SLC44A5: variants seen among roughly 807,000 people sequenced by gnomAD.
The protein encoded by SLC44A5 is solute carrier family 44 member 5, also known as choline transporter-like protein 5.
Under a neutral mutation model 101.8 loss-of-function variants are expected in SLC44A5, and 57 were observed. The ratio of observed to expected loss-of-function variants is 0.56; its 90% CI spans 0.45 to 0.70. The LOEUF is 0.70. Ranked by LOEUF, SLC44A5 falls within the 30% of genes least tolerant of loss-of-function variation. The pLI, the probability that SLC44A5 is intolerant of heterozygous loss-of-function variation, is 0.00. For missense variants in SLC44A5, 737 were observed against 853.1 expected (o/e 0.86, Z 1.70); for synonymous variants, 281 against 290.9 (o/e 0.97, Z 0.35).
chr1:75,242,743 C>T (rs1032605820), intron 8 of SLC44A5, 143 bp downstream of exon 8: 1 of 974,040 alleles, frequency 1.0e-6, no homozygotes, highest in Middle Eastern at 3.2e-4. Context: ...ACCCAGTACA[C>T]ATGCATTTCT....
chr1:75,418,101 T>C (rs1663773573), intron 2 of SLC44A5, among the ~76,000 whole-genome samples: 2 of 152,228 alleles, frequency 1.3e-5, no homozygotes, highest in Non-Finnish European at 2.9e-5. Context: ...ATTTAGATAT[T>C]TTCTTATAAT....
At chr1:75,280,762 C>T (rs1652474733) in intron 5 of SLC44A5, among the ~76,000 whole-genome samples, 1 of 151,720 alleles carries the variant, frequency 6.6e-6, no homozygotes, top group African/African-American at 2.4e-5. Context: ...CCCCCCTTCA[C>T]CATGCATTTC....
intron 1 of SLC44A5, among the ~76,000 whole-genome samples, chr1:75,575,191 C>T (rs1005554991): frequency 6.6e-5 from 10 of 152,196 alleles, no homozygotes; most frequent in African/African-American, 2.4e-4. Flanking sequence ...ACTTTCGATG[C>T]AGCCTAATAT....
chr1:75,469,041 G>T (rs1666968902), intron 2 of SLC44A5, among the ~76,000 whole-genome samples: 1 of 152,028 alleles, frequency 6.6e-6, no homozygotes, highest in South Asian at 2.1e-4. Flanking sequence ...TTTAGTAGCT[G>T]CATTAAAAAG....
rs189592973 is a variant in SLC44A5, at chr1:75,326,126, A to G, written c.101+13456T>C. On this transcript the variant is annotated intron_variant, in intron 4 of 23. Coordinates refer to ENST00000370859, the MANE Select transcript of SLC44A5 (RefSeq NM_001130058.2). The stretch of plus-strand genomic sequence containing the variant: ...TGTGTGTGTGTGTGTGTGTGTGTGT[A>G]TAATATTTTATATACATATAAAATA... Among the ~76,000 whole-genome samples, 940 of 146,566 alleles carry G rather than the reference A, an allele frequency of 6.4e-3. 6 individuals are homozygous for G. Among genetic ancestry groups the G allele is most frequent in the Non-Finnish European group, 7.6e-3 (506 of 66,436 alleles).
intron 1 of SLC44A5, among the ~76,000 whole-genome samples, chr1:75,605,778 G>A (rs576281444): frequency 1.3e-5 from 2 of 152,172 alleles, no homozygotes; most frequent in Admixed American, 1.3e-4. Flanking sequence ...TTTAAAAGCT[G>A]TGTCTCATCT....
chr1:75,306,700 A>T (rs1353847069), intron 4 of SLC44A5, among the ~76,000 whole-genome samples: 3 of 148,802 alleles, frequency 2.0e-5, no homozygotes, highest in Admixed American at 6.7e-5. Flanking sequence ...TTCTACTCTC[A>T]TCCAGAAACT....
intron 6 of SLC44A5, among the ~76,000 whole-genome samples, chr1:75,257,043 A>G (rs960839345): frequency 1.3e-5 from 2 of 152,182 alleles, no homozygotes; most frequent in African/African-American, 4.8e-5. Flanking sequence ...GAGAGAGAAG[A>G]GATTGTCCCA....
At chr1:75,303,765 T>C (rs1654691948) in intron 4 of SLC44A5, among the ~76,000 whole-genome samples, 1 of 152,124 alleles carries the variant, frequency 6.6e-6, no homozygotes, top group Non-Finnish European at 1.5e-5. Context: ...CTTAAGGTGT[T>C]TGGAGATTCT....
the SLC44A5 span, among the ~76,000 whole-genome samples, chr1:75,627,607 C>T: frequency 6.6e-6 from 1 of 151,916 alleles, no homozygotes; most frequent in Non-Finnish European, 1.5e-5. Flanking sequence ...TGCTTGAAAC[C>T]AGGAGTACGA....
At chr1:75,337,973 TG>T (rs1231143703) in intron 4 of SLC44A5, among the ~76,000 whole-genome samples, 1 of 152,216 alleles carries the variant, frequency 6.6e-6, no homozygotes, top group Non-Finnish European at 1.5e-5. Context: ...TGTGGAGAAT[TG>T]GGGGCTTCTT....
At chr1:75,691,230 A>G in the SLC44A5 span, among the ~76,000 whole-genome samples, 1 of 152,214 alleles carries the variant, frequency 6.6e-6, no homozygotes, top group Non-Finnish European at 1.5e-5. Flanking sequence ...GCCTGAGAGG[A>G]AAACTCAAAA....
the SLC44A5 span, among the ~76,000 whole-genome samples, chr1:75,721,532 C>T: frequency 1.3e-5 from 2 of 152,122 alleles, no homozygotes; most frequent in South Asian, 2.1e-4. Context: ...TGCTGGCTTA[C>T]ACCATCACCA....
At chr1:75,476,340 T>G (rs950533052) in intron 2 of SLC44A5, among the ~76,000 whole-genome samples, 1 of 152,126 alleles carries the variant, frequency 6.6e-6, no homozygotes, top group African/African-American at 2.4e-5. Context: ...GATGGGTGAT[T>G]TCTGCATTTC....
chr1:75,429,218 G>C (rs896559098), intron 2 of SLC44A5, among the ~76,000 whole-genome samples: 7 of 152,298 alleles, frequency 4.6e-5, no homozygotes, highest in African/African-American at 1.7e-4. Context: ...GAGAGATCAG[G>C]AAAATAGGAA....
At chr1:75,424,747 GT>G (rs986499066) in intron 2 of SLC44A5, among the ~76,000 whole-genome samples, 6 of 151,324 alleles carry the variant, frequency 4.0e-5, no homozygotes, top group South Asian at 2.1e-4. Flanking sequence ...AATGTCAAGA[GT>G]TTTTTTTTCA....
At chr1:75,718,381 T>C in the SLC44A5 span, among the ~76,000 whole-genome samples, 1 of 152,300 alleles carries the variant, frequency 6.6e-6, no homozygotes, top group East Asian at 1.9e-4. Context: ...CAAAGGCCTG[T>C]GAGCACCTCC....
At chr1:75,680,315 T>C in the SLC44A5 span, among the ~76,000 whole-genome samples, 1 of 151,856 alleles carries the variant, frequency 6.6e-6, no homozygotes, top group East Asian at 1.9e-4. Context: ...ATACATTTTT[T>C]TCAGCACCAC....
chr1:75,303,745 T>C (rs1202887534), intron 4 of SLC44A5, among the ~76,000 whole-genome samples: 1 of 152,172 alleles, frequency 6.6e-6, no homozygotes, highest in African/African-American at 2.4e-5. Flanking sequence ...CATTTCTCAA[T>C]AATTCACACC....
Sources: allele counts gnomAD v4.1 joint callset (sites outside exome capture counted in the v4.1 genomes callset), GRCh38; gene constraint gnomAD v4.1.1; transcripts MANE v1.5; gene names NCBI Gene and HGNC (gene_info 2026-07-23, HGNC 2026-07-21).